Variants in ANK3 observed in about 807,000 individuals in gnomAD.
The protein encoded by ANK3 is ankyrin-3.
Under a neutral mutation model 370.9 loss-of-function variants are expected in ANK3, and 57 were observed. The ratio of observed to expected loss-of-function variants is 0.15; its 90% CI spans 0.12 to 0.19. The LOEUF is 0.19. Among genes scored for constraint, ANK3 ranks in the 10% least tolerant of loss-of-function variants. The pLI, the probability that ANK3 is intolerant of heterozygous loss-of-function variation, is 1.00. For synonymous variants in ANK3, 1,929 were observed against 1,946.3 expected, an observed-to-expected ratio of 0.99 and a Z score of 0.23; for missense variants, 4,439 against 5,302.1, an observed-to-expected ratio of 0.84 and a Z score of 5.06.
At chr10:60,481,120 T>C (rs1370187179) in intron 2 of ANK3, among the ~76,000 whole-genome samples, 1 of 152,174 alleles carries the variant, frequency 6.6e-6, no homozygotes, top group Non-Finnish European at 1.5e-5. Context: ...TTCATCTCTA[T>C]GAAACTTTCT....
At chr10:60,505,980 G>A (rs1335045331) in intron 2 of ANK3, among the ~76,000 whole-genome samples, 3 of 152,018 alleles carry the variant, frequency 2.0e-5, no homozygotes, top group African/African-American at 4.8e-5. Context: ...TGCTTCTGCA[G>A]CCACCTGGAT....
chr10:60,712,827 C>T (rs984987648), intron 1 of ANK3, among the ~76,000 whole-genome samples: 7 of 152,174 alleles, frequency 4.6e-5, no homozygotes, highest in Admixed American at 6.5e-5. Flanking sequence ...TTTCTTAAAA[C>T]GCTGACTTCA....
chr10:60,112,643 T>A (rs2092798966), intron 26 of ANK3, among the ~76,000 whole-genome samples: 2 of 152,216 alleles, frequency 1.3e-5, no homozygotes, highest in Admixed American at 1.3e-4. Context: ...TCTGATTTTT[T>A]ATTTGTAAAA....
intron 1 of ANK3, among the ~76,000 whole-genome samples, chr10:60,649,342 A>G (rs2078756506): frequency 6.6e-6 from 1 of 152,332 alleles, no homozygotes; most frequent in South Asian, 2.1e-4. Flanking sequence ...CTGTCTCTAC[A>G]GTTCTTTAAT....
chr10:60,063,932 T>A (rs1292059997), intron 39 of ANK3, among the ~76,000 whole-genome samples: 1 of 152,226 alleles, frequency 6.6e-6, no homozygotes, highest in African/African-American at 2.4e-5. Flanking sequence ...AATTCCCTGC[T>A]ACTTGCTTTC....
At chr10:60,415,497 T>A (rs1211522440) in intron 2 of ANK3, among the ~76,000 whole-genome samples, 2 of 152,140 alleles carry the variant, frequency 1.3e-5, no homozygotes, top group Admixed American at 1.3e-4. Context: ...GTTAGCCACC[T>A]GTGGGAGGGA....
intron 1 of ANK3, among the ~76,000 whole-genome samples, chr10:60,329,469 A>T (rs1029161430): frequency 6.6e-6 from 1 of 152,204 alleles, no homozygotes; most frequent in Non-Finnish European, 1.5e-5. Flanking sequence ...AGAAATCACA[A>T]GCATTTCTAT....
At chr10:60,187,563 T>A (rs577931131) in intron 16 of ANK3, among the ~76,000 whole-genome samples, 67 of 152,344 alleles carry the variant, frequency 4.4e-4, no homozygotes, top group Non-Finnish European at 9.4e-4. Flanking sequence ...GATAATTACT[T>A]GCTTTATTTA....
intron 1 of ANK3, among the ~76,000 whole-genome samples, chr10:60,298,671 G>A (rs2043045605): frequency 6.6e-6 from 1 of 152,182 alleles, no homozygotes; most frequent in Non-Finnish European, 1.5e-5. Flanking sequence ...TATGGGCTGA[G>A]ATCAAATGCT....
At chr10:60,213,108 G>A (rs1408717312) in intron 9 of ANK3, among the ~76,000 whole-genome samples, 2 of 152,050 alleles carry the variant, frequency 1.3e-5, no homozygotes, top group Admixed American at 6.6e-5. Flanking sequence ...TAGAACTTTA[G>A]TCTTTCTTAA....
chr10:60,085,250 C>T lies in ANK3; in HGVS notation c.3752G>A (p.Gly1251Asp). The T allele has an allele frequency of 6.2e-7, 1 of 1,609,106 alleles. No homozygotes were observed. Among genetic ancestry groups the T allele is most frequent in the Non-Finnish European group, 8.5e-7 (1 of 1,177,490 alleles). Reference sequence around the variant, plus strand: ...GTCTTCCCACTGAGCAGGCGAAGTGCCCCCTGAGAGAACAACAGCAGATAT... The same window carrying T: ...GTCTTCCCACTGAGCAGGCGAAGTGTCCCCTGAGAGAACAACAGCAGATAT... ...NLRLLCSITG[G>D]TSPAQWEDIT... Residue 1251 changes from glycine to aspartate, a missense_variant, in exon 31 of 44, where the codon GGC becomes GAC. By Grantham distance (94) the Gly-to-Asp change is moderately conservative (BLOSUM62 -1). Around this residue, in one of 13 missense-constraint regions of ANK3, gnomAD observed 702 missense variants for 941.5 expected, o/e 0.75. Transcript: ENST00000280772.
chr10:60,640,478 T>C (rs1418218912), intron 1 of ANK3, among the ~76,000 whole-genome samples: 3 of 141,424 alleles, frequency 2.1e-5, no homozygotes, highest in African/African-American at 7.8e-5. Context: ...GCAAGGCTAG[T>C]TCAATATATG....
intron 1 of ANK3, chr10:60,300,333 T>G: frequency 1.6e-6 from 2 of 1,286,718 alleles, no homozygotes; most frequent in Non-Finnish European, 2.0e-6. Flanking sequence ...TCTGGGAAGC[T>G]CTCTCCCTCT....
intron 2 of ANK3, among the ~76,000 whole-genome samples, chr10:60,450,803 T>C (rs2064580379): frequency 6.6e-6 from 1 of 152,132 alleles, no homozygotes; most frequent in African/African-American, 2.4e-5. Context: ...AATGTAGCAC[T>C]TCATATTTCA....
intron 25 of ANK3, among the ~76,000 whole-genome samples, chr10:60,116,544 T>C (rs1316195802): frequency 2.0e-5 from 3 of 151,506 alleles, no homozygotes; most frequent in African/African-American, 7.3e-5. Flanking sequence ...CATTAATATC[T>C]AGAGAGAGAT....
At chr10:60,684,641 T>C in intron 1 of ANK3, 1 of 1,589,500 alleles carries the variant, frequency 6.3e-7, no homozygotes, top group Non-Finnish European at 8.6e-7. Context: ...AATGAATTTG[T>C]AAATACCGTA....
At chr10:60,561,917 T>C (rs551114177) in intron 2 of ANK3, among the ~76,000 whole-genome samples, 1 of 152,354 alleles carries the variant, frequency 6.6e-6, no homozygotes, top group South Asian at 2.1e-4. Context: ...GCCTCTTGTG[T>C]AATTTTAACT....
chr10:60,547,839 C>G lies in ANK3; in HGVS notation c.96+67347G>C, dbSNP rs72822810. ...TCAAACTCTTCAAAGTAGTATGAAA[C>G]CCTGTTTTACAAACTGATCTGCAAG... On this transcript the variant is annotated intron_variant, in intron 2 of 43. Transcript: ENST00000373827. 1.1e-4 allele frequency among the ~76,000 whole-genome samples: 16 copies of G among 152,210 alleles called. No individual in the cohort carries two copies. The South Asian group carries it at 3.3e-3, about 32-fold the overall frequency.
chr10:60,596,332 A>G (rs1048883800), intron 2 of ANK3, among the ~76,000 whole-genome samples: 2 of 152,182 alleles, frequency 1.3e-5, no homozygotes, highest in Admixed American at 6.5e-5. Context: ...GAAATCACCA[A>G]CACTGAAATT....
Sources: allele counts gnomAD v4.1 joint callset (sites outside exome capture counted in the v4.1 genomes callset), GRCh38; gene constraint gnomAD v4.1.1; regional missense constraint gnomAD v4.1.1; transcripts MANE v1.5; gene names NCBI Gene and HGNC (gene_info 2026-07-23, HGNC 2026-07-21).